Variants in SDK1 observed in about 807,000 individuals in gnomAD.
SDK1 encodes sidekick cell adhesion molecule 1.
SDK1 carries 157 observed loss-of-function variants against 245.5 expected under a neutral mutation model. The observed-to-expected ratio is 0.64, with a 90% CI of 0.56 to 0.73. The LOEUF is 0.73. Ranked by LOEUF, SDK1 falls within the 30% of genes least tolerant of loss-of-function variation. The pLI is 0.00. For synonymous variants in SDK1, 1,647 were observed against 1,278.5 expected (o/e 1.29, Z -6.15); for missense variants, 3,583 against 3,002.3 (o/e 1.19, Z -4.52).
chr7:3,959,308 C>T (rs570041117), intron 8 of SDK1, among the ~76,000 whole-genome samples: 64 of 152,256 alleles, frequency 4.2e-4, no homozygotes, highest in Non-Finnish European at 7.5e-4. Context: ...TGTGGACTCC[C>T]CTTCCAAGGC....
chr7:3,672,311 G>A (rs990483657), intron 4 of SDK1, among the ~76,000 whole-genome samples: 1 of 151,940 alleles, frequency 6.6e-6, no homozygotes, highest in Admixed American at 6.6e-5. Context: ...TTCTATCACA[G>A]CAAGCAGCTC....
intron 1 of SDK1, among the ~76,000 whole-genome samples, chr7:3,404,123 A>T (rs1157840442): frequency 6.6e-6 from 1 of 151,804 alleles, no homozygotes; most frequent in Non-Finnish European, 1.5e-5. Flanking sequence ...ACGTGAAGTG[A>T]GCTGATGCTA....
intron 1 of SDK1, among the ~76,000 whole-genome samples, chr7:3,501,365 G>A (rs1328162616): frequency 1.5e-5 from 2 of 136,456 alleles, no homozygotes; most frequent in Admixed American, 7.4e-5. Context: ...ATGGGCTAGG[G>A]AATCAGGAAA....
chr7:3,875,855 G>A (rs1230699106), intron 5 of SDK1, among the ~76,000 whole-genome samples: 9 of 152,116 alleles, frequency 5.9e-5, no homozygotes, highest in Admixed American at 5.2e-4. Flanking sequence ...ATATGTAAGA[G>A]TGTACCACCT....
intron 4 of SDK1, among the ~76,000 whole-genome samples, chr7:3,799,357 T>A (rs1779047546): frequency 6.6e-6 from 1 of 151,862 alleles, no homozygotes; most frequent in Non-Finnish European, 1.5e-5. Flanking sequence ...TTAGGCCCCT[T>A]CTAAGTTATT....
intron 1 of SDK1, among the ~76,000 whole-genome samples, chr7:3,313,388 G>T (rs1190779813): frequency 6.6e-6 from 1 of 152,084 alleles, no homozygotes; most frequent in African/African-American, 2.4e-5. Flanking sequence ...GCCTGGCGAC[G>T]GAGCGAGACT....
chr7:3,775,170 G>T (rs74349337), intron 4 of SDK1, among the ~76,000 whole-genome samples: 1 of 152,210 alleles, frequency 6.6e-6, no homozygotes, highest in East Asian at 1.9e-4. Context: ...TTGGTTTTCA[G>T]TAAATAAAGT....
intron 5 of SDK1, among the ~76,000 whole-genome samples, chr7:3,884,722 A>G (rs1343168003): frequency 6.6e-6 from 1 of 152,222 alleles, no homozygotes; most frequent in African/African-American, 2.4e-5. Flanking sequence ...AACTACAGCT[A>G]TGGGCAGAGC....
At chr7:3,939,079 C>T (rs984854555) in intron 5 of SDK1, among the ~76,000 whole-genome samples, 9 of 152,194 alleles carry the variant, frequency 5.9e-5, no homozygotes, top group East Asian at 1.9e-4. Flanking sequence ...ATGGGATATA[C>T]GACCGTATTT....
chr7:3,698,616 C>T (rs536890570), intron 4 of SDK1, among the ~76,000 whole-genome samples: 5 of 152,282 alleles, frequency 3.3e-5, no homozygotes, highest in Admixed American at 6.5e-5. Context: ...GCTTAGACAG[C>T]GGACGTCTAT....
At chr7:4,118,268 C>T (rs547636896) in intron 25 of SDK1, among the ~76,000 whole-genome samples, 5 of 152,286 alleles carry the variant, frequency 3.3e-5, no homozygotes, top group African/African-American at 9.6e-5. Context: ...GGCAAAGGAT[C>T]GGCATAGACA....
chr7:4,234,537 C>T (rs1786022035), intron 41 of SDK1, among the ~76,000 whole-genome samples: 1 of 152,128 alleles, frequency 6.6e-6, no homozygotes, highest in South Asian at 2.1e-4. Context: ...GAGAAAAAGT[C>T]CTGGTCACTG....
At chr7:3,996,645 G>A (rs1429139865) in intron 14 of SDK1, among the ~76,000 whole-genome samples, 1 of 152,086 alleles carries the variant, frequency 6.6e-6, no homozygotes. Context: ...CTTCTAATTA[G>A]TTATTGTAGG....
intron 1 of SDK1, among the ~76,000 whole-genome samples, chr7:3,493,465 G>T (rs1446305357): frequency 2.0e-5 from 3 of 152,132 alleles, no homozygotes; most frequent in African/African-American, 4.8e-5. Flanking sequence ...TTCTAGTGTG[G>T]TGTGCTGTTC....
intron 1 of SDK1, among the ~76,000 whole-genome samples, chr7:3,514,854 C>T (rs1479582786): frequency 6.6e-6 from 1 of 152,156 alleles, no homozygotes; most frequent in Non-Finnish European, 1.5e-5. Context: ...ATCTTTGCCC[C>T]ATCACGCGTG....
chr7:3,847,180 C>T (rs1158366500), intron 5 of SDK1, among the ~76,000 whole-genome samples: 1 of 152,088 alleles, frequency 6.6e-6, no homozygotes, highest in Non-Finnish European at 1.5e-5. Flanking sequence ...GCGATTTCAA[C>T]CTTTACTCCT....
chr7:4,116,892 T>C (rs1783750185), intron 25 of SDK1, among the ~76,000 whole-genome samples: 2 of 152,206 alleles, frequency 1.3e-5, no homozygotes. Flanking sequence ...GCAGCAGGGC[T>C]GGGCCCAGTG....
At chr7:3,495,141 A>G (rs1781985034) in intron 1 of SDK1, among the ~76,000 whole-genome samples, 1 of 151,994 alleles carries the variant, frequency 6.6e-6, no homozygotes, top group African/African-American at 2.4e-5. Flanking sequence ...CTGCAGTGTA[A>G]CAGCGCTTTT....
intron 1 of SDK1, among the ~76,000 whole-genome samples, chr7:3,435,251 C>T (rs993843949): frequency 4.7e-5 from 7 of 147,640 alleles, no homozygotes; most frequent in African/African-American, 1.8e-4. Flanking sequence ...ACAGATTATA[C>T]TGGAGAGATC....
Sources: gnomAD v4.1 joint callset for allele counts (sites outside exome capture counted in the v4.1 genomes callset) on GRCh38, gnomAD v4.1.1 for gene constraint, MANE v1.5 for transcripts, NCBI Gene and HGNC (gene_info 2026-07-23, HGNC 2026-07-21) for gene names.